The following PTPRN2 variants were observed in gnomAD, a reference collection of about 807,000 sequenced individuals.
PTPRN2 encodes the protein receptor-type tyrosine-protein phosphatase N2.
A neutral mutation model predicts 118.8 loss-of-function variants in PTPRN2; 74 were observed. The observed-to-expected ratio is 0.62, with a 90% CI of 0.52 to 0.76. PTPRN2 has a LOEUF of 0.76. Among genes scored for constraint, PTPRN2 ranks in the 30% least tolerant of loss-of-function variants. PTPRN2 has a pLI of 0.00. For synonymous variants in PTPRN2, 641 were observed against 608.0 expected, an observed-to-expected ratio of 1.05 and a Z score of -0.80; for missense variants, 1,481 against 1,394.4, an observed-to-expected ratio of 1.06 and a Z score of -0.99.
chr7:157,961,902 G>A (rs1051396756), intron 11 of PTPRN2, among the ~76,000 whole-genome samples: 10 of 152,072 alleles, frequency 6.6e-5, no homozygotes, highest in Admixed American at 2.0e-4. Flanking sequence ...GAGACCCGGC[G>A]GCGGCCGCAC....
intron 11 of PTPRN2, among the ~76,000 whole-genome samples, chr7:157,909,616 C>A (rs1313342252): frequency 6.6e-6 from 1 of 152,230 alleles, no homozygotes; most frequent in Non-Finnish European, 1.5e-5. Context: ...GGCCTTTGTA[C>A]CTGCTGTTTG....
At chr7:158,388,186 C>A (rs923966412) in intron 2 of PTPRN2, among the ~76,000 whole-genome samples, 1 of 152,106 alleles carries the variant, frequency 6.6e-6, no homozygotes, top group African/African-American at 2.4e-5. Context: ...CCACACTGAA[C>A]AAGAAGCCCC....
chr7:158,270,920 ACCACCCCCCCCAC>A lies in PTPRN2; in HGVS notation c.277+45886_277+45898del. ...CACCTGGACCACCCCCCCCACCTGG[ACCACCCCCCCCAC>A]CTGGACCACCCCCCCACCTGGACCA... On this transcript the variant is annotated intron_variant, in intron 3 of 22. Transcript: ENST00000389418. Among the ~76,000 whole-genome samples the A allele has an allele frequency of 2.3e-4, 3 of 12,840 alleles. 1 individual carries two copies. In the South Asian group the frequency reaches 0.013, roughly 53 times the overall value. The allele number at this position is 12,840 out of a possible 152,430, so 8.4% of individuals were successfully genotyped here.
intron 3 of PTPRN2, among the ~76,000 whole-genome samples, chr7:158,262,790 T>C (rs556019165): frequency 1.3e-4 from 14 of 109,458 alleles, no homozygotes; most frequent in African/African-American, 3.5e-4. Flanking sequence ...ACTACACACA[T>C]ACACATTCAC....
At chr7:158,309,999 C>T (rs1437519474) in intron 3 of PTPRN2, among the ~76,000 whole-genome samples, 1 of 152,120 alleles carries the variant, frequency 6.6e-6, no homozygotes, top group African/African-American at 2.4e-5. Context: ...GGGGAAGATG[C>T]CACCCATGAA....
chr7:157,689,636 A>T (rs1797372783), intron 12 of PTPRN2, among the ~76,000 whole-genome samples: 1 of 152,242 alleles, frequency 6.6e-6, no homozygotes, highest in Admixed American at 6.5e-5. Context: ...GGAACTGCAC[A>T]GGTAGTTACG....
At chr7:157,688,306 C>T (rs1797292211) in intron 12 of PTPRN2, among the ~76,000 whole-genome samples, 1 of 152,198 alleles carries the variant, frequency 6.6e-6, no homozygotes, top group African/African-American at 2.4e-5. Context: ...TAAAGAAATA[C>T]TGTGTTTTAA....
chr7:158,006,506 C>T (rs1263933007), intron 11 of PTPRN2, among the ~76,000 whole-genome samples: 1 of 152,222 alleles, frequency 6.6e-6, no homozygotes, highest in African/African-American at 2.4e-5. Context: ...AAGGGTGAGT[C>T]CCAGCGCCAG....
intron 12 of PTPRN2, among the ~76,000 whole-genome samples, chr7:157,802,732 C>T (rs1480652642): frequency 6.6e-6 from 1 of 152,232 alleles, no homozygotes; most frequent in East Asian, 1.9e-4. Context: ...TCCTCACCAA[C>T]ACACGTCTTT....
At chr7:157,556,196 C>T (rs1018633846) in intron 21 of PTPRN2, among the ~76,000 whole-genome samples, 12 of 152,176 alleles carry the variant, frequency 7.9e-5, no homozygotes, top group Admixed American at 3.3e-4. Context: ...ACACACTACA[C>T]GCATGCAGAT....
At chr7:158,072,039 T>C (rs373199239) in intron 11 of PTPRN2, among the ~76,000 whole-genome samples, 49 of 138,312 alleles carry the variant, frequency 3.5e-4, no homozygotes, top group East Asian at 1.5e-3. Context: ...GTGGAGGTGC[T>C]CGTGGTGGTG....
Position 158,124,936 on chromosome 7 carries a change from G to A in PTPRN2, c.1556+8741C>T, listed in dbSNP as rs568263453. On this transcript the variant is annotated intron_variant, in intron 9 of 22. Coordinates refer to ENST00000389418, the MANE Select transcript of PTPRN2 (RefSeq NM_002847.5). ...AAAGAAAGAGCCGTGATGCTGGTGC[G>A]CAAGAGAGAAGGCCCCGCAGTGCGG... Among the ~76,000 whole-genome samples the A allele has an allele frequency of 1.4e-4, 22 of 152,240 alleles. 1 individual carries two copies. Among genetic ancestry groups the A allele is most frequent in the Admixed American group, 4.6e-4 (7 of 15,290 alleles).
Position 157,656,566 on chromosome 7 carries a change from G to A in PTPRN2, c.2002-15C>T, listed in dbSNP as rs77060975. 1 of 1,526,786 alleles carries A rather than the reference G, an allele frequency of 6.5e-7. No homozygotes were observed. Among genetic ancestry groups the A allele is most frequent in the Non-Finnish European group, 8.8e-7 (1 of 1,138,948 alleles). 94.6% of individuals were successfully genotyped at this position (1,526,786 alleles called of 1,614,324 possible). A position where few individuals can be genotyped will look rare whatever the true frequency, so the allele number is the denominator to read the frequency against. On this transcript the variant is annotated splice_polypyrimidine_tract_variant and intron_variant, in intron 13 of 22. Transcript: ENST00000389418. ...CGGCACAGCTCCTGCAGGACAGGGG[G>A]AGGAAGAGCAGGGGGTTAGTGGCAT...
chr7:157,673,592 GC>G (rs972692212), intron 13 of PTPRN2, among the ~76,000 whole-genome samples: 5 of 151,734 alleles, frequency 3.3e-5, no homozygotes, highest in Non-Finnish European at 5.9e-5. Context: ...GTGCATCCTG[GC>G]CCCTCTCTCT....
In PTPRN2 at chr7:157,879,475, T is replaced by G. The variant is rs535378421; in HGVS notation, c.1788+19198A>C. 8.2e-4 allele frequency among the ~76,000 whole-genome samples: 125 copies of G among 152,362 alleles called. 1 individual carries two copies. The South Asian group carries it at 0.014, about 17-fold the overall frequency. The stretch of plus-strand genomic sequence containing the variant: ...TCTTTTCTTTTTAAAATCATACATA[T>G]TTCATTAAGCTCCATGCAGAGTGTC... On this transcript the variant is annotated intron_variant, in intron 12 of 22. Coordinates refer to ENST00000389418, the MANE Select transcript of PTPRN2 (RefSeq NM_002847.5).
At chr7:158,136,933 A>G (rs1818876203) in intron 7 of PTPRN2, among the ~76,000 whole-genome samples, 5 of 152,196 alleles carry the variant, frequency 3.3e-5, no homozygotes, top group Admixed American at 1.3e-4. Context: ...GGCAGCCACA[A>G]TGACCTCACC....
chr7:157,615,826 G>C lies in PTPRN2; in HGVS notation c.2344+5536C>G, dbSNP rs940433523. On this transcript the variant is annotated intron_variant, in intron 15 of 22. Transcript: ENST00000389418. This position sits in a 1 kb window ranked among gnomAD's most constrained non-coding sequence, Gnocchi z 4.3. ...AACTTGACTGTCACCAACGGGGGGT[G>C]GGGGGTGCGCGAGGCCCTGGGCTCC... The C allele has an allele frequency of 1.1e-5, 4 of 358,894 alleles. No homozygotes were observed. The highest frequency in any genetic ancestry group is 6.4e-5 in the African/African-American group (3 of 46,808). 22.2% of individuals were successfully genotyped at this position (358,894 alleles called of 1,614,324 possible).
intron 6 of PTPRN2, among the ~76,000 whole-genome samples, chr7:158,149,268 C>A (rs1276475929): frequency 6.6e-6 from 1 of 152,180 alleles, no homozygotes; most frequent in Non-Finnish European, 1.5e-5. Context: ...CAATTTCCAA[C>A]CAAAAGACCT....
At chr7:158,219,613 G>A (rs1362335658) in intron 3 of PTPRN2, among the ~76,000 whole-genome samples, 1 of 151,586 alleles carries the variant, frequency 6.6e-6, no homozygotes, top group African/African-American at 2.4e-5. Context: ...ACAAACAAAA[G>A]AAAGTTCATT....
Sources: gnomAD v4.1 joint callset for allele counts (sites outside exome capture counted in the v4.1 genomes callset) on GRCh38, gnomAD v4.1.1 for gene constraint, Gnocchi (gnomAD v3.1) non-coding constraint, MANE v1.5 for transcripts, NCBI Gene and HGNC (gene_info 2026-07-23, HGNC 2026-07-21) for gene names.